CDH22: variants seen among roughly 807,000 people sequenced by gnomAD.
CDH22 encodes cadherin-22.
In CDH22, 30 loss-of-function variants were observed where a neutral mutation model predicts 58.4. The observed-to-expected ratio is 0.51, with a 90% CI of 0.38 to 0.70. The LOEUF is 0.70. Ranked by LOEUF, CDH22 falls within the 30% of genes least tolerant of loss-of-function variation. The pLI is 0.00. For synonymous variants in CDH22, 513 were observed against 558.2 expected (o/e 0.92, Z 1.14); for missense variants, 1,014 against 1,233.9 (o/e 0.82, Z 2.67).
chr20:46,241,979 ACT>A lies in CDH22; in HGVS notation c.256-724_256-723del, dbSNP rs1325401138. On this transcript the variant is annotated intron_variant, in intron 2 of 11. Transcript: ENST00000537909. This position sits in a 1 kb window ranked among gnomAD's most constrained non-coding sequence, Gnocchi z 5.2. ...GAATTACAGGTCCACTGCTCCCTAG[ACT>A]CTGCACCCCAGGAGATTGGGGTGGC... 6.6e-6 allele frequency among the ~76,000 whole-genome samples: 1 copy of A among 151,444 alleles called. No individual in the cohort carries two copies. The highest frequency in any genetic ancestry group is 6.6e-5 in the Admixed American group (1 of 15,216).
intron 1 of CDH22, among the ~76,000 whole-genome samples, chr20:46,282,514 C>T (rs2086555509): frequency 6.6e-6 from 1 of 152,122 alleles, no homozygotes; most frequent in Admixed American, 6.5e-5. Flanking sequence ...TAGAATAAAA[C>T]CTGACAGCCA....
At chr20:46,289,385 A>G (rs1035348310) in intron 1 of CDH22, among the ~76,000 whole-genome samples, 2 of 152,164 alleles carry the variant, frequency 1.3e-5, no homozygotes, top group African/African-American at 4.8e-5. Context: ...TTTCTCTATA[A>G]TGTGAGTGCC....
chr20:46,197,100 C>T (rs1210800832), intron 8 of CDH22, among the ~76,000 whole-genome samples: 2 of 152,000 alleles, frequency 1.3e-5, no homozygotes, highest in African/African-American at 4.8e-5. Flanking sequence ...AGAGAGTGCC[C>T]AGAAAAGGGA....
At chr20:46,289,206 C>CCCTT (rs2086589592) in intron 1 of CDH22, among the ~76,000 whole-genome samples, 1 of 152,170 alleles carries the variant, frequency 6.6e-6, no homozygotes, top group Admixed American at 6.5e-5. Context: ...CTCACTCTCT[C>CCCTT]CCTTCCTTCG....
Position 46,174,673 on chromosome 20 carries a change from C to T in CDH22, c.2320G>A (p.Ala774Thr), listed in dbSNP as rs1052248062. ...VPPYDAFQTYAFEGADSPAAS... is the reference protein window; with the variant it reads ...VPPYDAFQTYTFEGADSPAAS... The stretch of plus-strand genomic sequence containing the variant: ...GCCGGCGAGTCCGCGCCCTCGAAGG[C>T]GTAGGTCTGGAAGGCGTCGTAGGGC... Residue 774 changes from alanine to threonine, a missense_variant, in exon 12 of 12, where the codon GCC becomes ACC. Ala to Thr is a moderately conservative substitution (Grantham distance 58). Transcript: ENST00000537909. The surrounding 1 kb of genome is among the most constrained non-coding windows in gnomAD (Gnocchi z 4.4). 7 of 1,560,214 alleles carry T rather than the reference C, an allele frequency of 4.5e-6. No individual in the cohort carries two copies. The Admixed American group carries it at 7.5e-5, about 17-fold the overall frequency.
intron 1 of CDH22, among the ~76,000 whole-genome samples, chr20:46,304,637 C>T (rs2086666492): frequency 6.6e-6 from 1 of 152,216 alleles, no homozygotes; most frequent in African/African-American, 2.4e-5. Flanking sequence ...AAGGAGCCTG[C>T]TGATGGGGCA....
At chr20:46,223,741 C>T (rs56945174) in intron 4 of CDH22, among the ~76,000 whole-genome samples, 1 of 111,428 alleles carries the variant, frequency 9.0e-6, no homozygotes, top group Non-Finnish European at 1.9e-5. Context: ...TTCTTTCTTT[C>T]TCTTTCCTCT....
intron 2 of CDH22, among the ~76,000 whole-genome samples, chr20:46,250,367 G>A (rs1039258768): frequency 4.6e-5 from 7 of 152,234 alleles, no homozygotes; most frequent in Non-Finnish European, 1.0e-4. Flanking sequence ...GTGTTATGAA[G>A]GAAAGATGCT....
At chr20:46,290,121 G>C (rs1010927339) in intron 1 of CDH22, among the ~76,000 whole-genome samples, 3 of 152,184 alleles carry the variant, frequency 2.0e-5, no homozygotes, top group South Asian at 4.1e-4. Flanking sequence ...GTCAAGAAAT[G>C]AAAACTTTGG....
At position 46,227,638 on chromosome 20, in the gene CDH22, G is replaced by A. The variant is rs1172130225; in HGVS notation, c.551-11C>T. ...GCATCACCGACGTGCCTGGGCCCGG[G>A]GGACCAAGCGAGACAGGGGTCATCT... is the stretch of plus-strand genomic sequence containing the variant. On this transcript the variant is annotated splice_polypyrimidine_tract_variant and intron_variant, in intron 3 of 11. Coordinates refer to ENST00000537909, the MANE Select transcript of CDH22 (RefSeq NM_021248.3). The A allele has an allele frequency of 1.9e-6, 3 of 1,606,482 alleles. No homozygotes were observed. The highest frequency in any genetic ancestry group is 1.3e-5 in the African/African-American group (1 of 74,828).
At chr20:46,227,423 G>C in intron 4 of CDH22, 85 bp downstream of exon 4, 1 of 1,299,154 alleles carries the variant, frequency 7.7e-7, no homozygotes, top group Non-Finnish European at 1.1e-6. Context: ...AGAAGGCTCA[G>C]AGCAGACGTC....
At chr20:46,269,291 G>C (rs2145755902) in intron 1 of CDH22, among the ~76,000 whole-genome samples, 1 of 152,210 alleles carries the variant, frequency 6.6e-6, no homozygotes, top group Middle Eastern at 3.4e-3. Flanking sequence ...GAATATCAAA[G>C]CTGGAAATCC....
intron 1 of CDH22, among the ~76,000 whole-genome samples, chr20:46,272,475 T>C (rs954559926): frequency 3.9e-4 from 59 of 152,146 alleles, no homozygotes; most frequent in Admixed American, 3.7e-3. Flanking sequence ...TGAGATCACC[T>C]GGAGAGAGAT....
At chr20:46,269,750 T>C (rs908060622) in intron 1 of CDH22, among the ~76,000 whole-genome samples, 5 of 152,180 alleles carry the variant, frequency 3.3e-5, no homozygotes, top group African/African-American at 1.2e-4. Flanking sequence ...GAAACTGGCC[T>C]GTTGCTTTCA....
intron 4 of CDH22, among the ~76,000 whole-genome samples, chr20:46,225,756 T>C (rs2086166492): frequency 6.6e-6 from 1 of 152,228 alleles, no homozygotes; most frequent in African/African-American, 2.4e-5. Context: ...CCTTTGGGGC[T>C]GCAATTACTG....
chr20:46,236,192 A>G (rs2086250015), intron 3 of CDH22, among the ~76,000 whole-genome samples: 1 of 151,996 alleles, frequency 6.6e-6, no homozygotes, highest in African/African-American at 2.4e-5. Flanking sequence ...AAATGCAGAC[A>G]TTTCTAACAG....
chr20:46,197,132 G>T (rs892349579), intron 8 of CDH22, among the ~76,000 whole-genome samples: 3 of 152,024 alleles, frequency 2.0e-5, no homozygotes, highest in Non-Finnish European at 2.9e-5. Context: ...AATGCCGTGG[G>T]GACCAAGCAT....
chr20:46,293,328 T>G (rs970544263), intron 1 of CDH22, among the ~76,000 whole-genome samples: 1 of 152,196 alleles, frequency 6.6e-6, no homozygotes, highest in Admixed American at 6.5e-5. Flanking sequence ...CAGGGAGCTG[T>G]CTGTGCTGAC....
Position 46,210,662 on chromosome 20 carries a change from G to GT in CDH22, c.1033-103dup, listed in dbSNP as rs2086036892. ...AGGCGGGGTTGGCCCAAGGTCACAC[G>GT]TTGTCTCAGCAGGGGCGGCAGGGAT... is the stretch of plus-strand genomic sequence containing the variant. On this transcript the variant is annotated intron_variant, in intron 6 of 11. Coordinates refer to ENST00000537909, the MANE Select transcript of CDH22 (RefSeq NM_021248.3). This position sits in a 1 kb window ranked among gnomAD's most constrained non-coding sequence, Gnocchi z 4.5. 7.7e-6 allele frequency: 9 copies of GT among 1,163,742 alleles called. No individual in the cohort carries two copies. The South Asian group carries it at 2.1e-4, about 27-fold the overall frequency. 72.1% of individuals were successfully genotyped at this position (1,163,742 alleles called of 1,614,324 possible). A position where few individuals can be genotyped will look rare whatever the true frequency, so the allele number is the denominator to read the frequency against.
Sources: gnomAD v4.1 joint callset for allele counts (sites outside exome capture counted in the v4.1 genomes callset) on GRCh38, gnomAD v4.1.1 for gene constraint, Gnocchi (gnomAD v3.1) non-coding constraint, MANE v1.5 for transcripts, NCBI Gene and HGNC (gene_info 2026-07-23, HGNC 2026-07-21) for gene names.